ACSL5: variants seen among roughly 807,000 people sequenced by gnomAD.
ACSL5 encodes the protein acyl-CoA synthetase long chain family member 5.
Under a neutral mutation model 84.9 loss-of-function variants are expected in ACSL5, and 50 were observed. That is an observed-to-expected ratio of 0.59 (90% confidence interval 0.47 to 0.75). ACSL5 has a LOEUF of 0.75. Ranked by LOEUF, ACSL5 falls within the 30% of genes least tolerant of loss-of-function variation. The pLI is 0.00. For missense variants in ACSL5, 775 were observed against 830.4 expected, an observed-to-expected ratio of 0.93 and a Z score of 0.82; for synonymous variants, 280 against 300.7, an observed-to-expected ratio of 0.93 and a Z score of 0.71.
chr10:112,403,812 G>A (rs775683868), intron 3 of ACSL5, among the ~76,000 whole-genome samples: 3 of 152,114 alleles, frequency 2.0e-5, no homozygotes, highest in East Asian at 1.9e-4. Context: ...AATATTTAGC[G>A]TAATTTAAAG....
intron 5 of ACSL5, among the ~76,000 whole-genome samples, chr10:112,405,342 A>G (rs1450114733): frequency 2.6e-5 from 4 of 152,184 alleles, no homozygotes; most frequent in Non-Finnish European, 4.4e-5. Flanking sequence ...TTATGCTTCA[A>G]ACGCTCCCTA....
intron 1 of ACSL5, among the ~76,000 whole-genome samples, chr10:112,389,845 A>C (rs1349456645): frequency 1.3e-5 from 2 of 152,178 alleles, no homozygotes; most frequent in Admixed American, 6.5e-5. Flanking sequence ...TCTTCCACTT[A>C]AACAGTGAGA....
chr10:112,422,389 C>T lies in ACSL5; in HGVS notation c.1541C>T (p.Ala514Val), dbSNP rs1366385892. 1.9e-6 allele frequency: 3 copies of T among 1,614,028 alleles called. No homozygotes were observed. The highest frequency in any genetic ancestry group is 1.3e-5 in the African/African-American group (1 of 74,910). Residue 514 changes from alanine to valine, a missense_variant, in exon 17 of 21, where the codon GCC becomes GTC. Physicochemically the swap from Ala to Val is moderately conservative, Grantham distance 64 (BLOSUM62 0). Transcript: ENST00000354655. ...YLKDPEKTQEALDSDGWLHTG... is the reference protein window; with the variant it reads ...YLKDPEKTQEVLDSDGWLHTG... ...AAGGACCCTGAGAAGACACAGGAAG[C>T]CCTGGACAGTGATGGCTGGCTTCAC...
intron 1 of ACSL5, among the ~76,000 whole-genome samples, chr10:112,394,493 A>G (rs1238070557): frequency 6.6e-6 from 1 of 152,228 alleles, no homozygotes; most frequent in African/African-American, 2.4e-5. Context: ...GGGGAATCCA[A>G]CTGGAAGAGT....
At chr10:112,376,164 G>A (rs1849234011) in intron 1 of ACSL5, 2 of 1,178,518 alleles carry the variant, frequency 1.7e-6, no homozygotes, top group African/African-American at 3.1e-5. Flanking sequence ...CTCCTGGTCA[G>A]AACACTTCCA....
At chr10:112,411,248 AG>A (rs1844169176) in intron 9 of ACSL5, 2 of 575,884 alleles carry the variant, frequency 3.5e-6, no homozygotes, top group South Asian at 4.2e-5. Context: ...GCATAGTAGT[AG>A]AAGGCCAACG....
chr10:112,425,045 G>A, intron 17 of ACSL5: 1 of 233,878 alleles, frequency 4.3e-6, no homozygotes. Context: ...ATTGAGAGCT[G>A]TGCAATTTCT....
At chr10:112,383,832 A>G (rs1415946711) in intron 1 of ACSL5, among the ~76,000 whole-genome samples, 5 of 151,420 alleles carry the variant, frequency 3.3e-5, no homozygotes, top group Admixed American at 6.6e-5. Context: ...GTAAGTGTGC[A>G]TATTTCAGAT....
intron 1 of ACSL5, among the ~76,000 whole-genome samples, chr10:112,379,097 T>A (rs1446962649): frequency 6.6e-6 from 1 of 152,174 alleles, no homozygotes; most frequent in Admixed American, 6.5e-5. Context: ...AGAAGTGCTC[T>A]GTTTAAATAG....
chr10:112,422,527 A>G, intron 17 of ACSL5, 86 bp downstream of exon 17: 1 of 1,322,482 alleles, frequency 7.6e-7, no homozygotes, highest in Non-Finnish European at 1.1e-6. Context: ...CAGAAATGCA[A>G]GTAGGTTAAT....
intron 1 of ACSL5, among the ~76,000 whole-genome samples, chr10:112,378,775 A>G (rs1849292743): frequency 6.6e-6 from 1 of 152,030 alleles, no homozygotes; most frequent in Non-Finnish European, 1.5e-5. Context: ...TCTCCCCTCT[A>G]TGTCTGTACA....
At chr10:112,413,059 G>A in intron 11 of ACSL5, 114 bp from the exon 12 acceptor site, 1 of 1,127,834 alleles carries the variant, frequency 8.9e-7, no homozygotes, top group Non-Finnish European at 1.3e-6. Context: ...TTCCAAGACA[G>A]GTCCCCACTG....
intron 3 of ACSL5, among the ~76,000 whole-genome samples, chr10:112,401,564 G>T (rs935184307): frequency 2.6e-5 from 4 of 152,244 alleles, no homozygotes; most frequent in Admixed American, 6.5e-5. Context: ...GTTAATGAAA[G>T]GCTAGGCTGT....
intron 13 of ACSL5, 48 bp downstream of exon 13, chr10:112,417,070 C>T: frequency 6.3e-7 from 1 of 1,596,622 alleles, no homozygotes; most frequent in Non-Finnish European, 8.6e-7. Flanking sequence ...CCTGGGCTGC[C>T]TTCTGACTCC....
Position 112,422,319 on chromosome 10 carries a change from G to A in ACSL5, c.1477-6G>A. On this transcript the variant is annotated splice_polypyrimidine_tract_variant and splice_region_variant and intron_variant, in intron 16 of 20. Transcript: ENST00000354655. ...ATTGTCACCGCCTTGTATGTCTGCT[G>A]TGCAGGTCTGCATCAAGGGTACAAA... 1 of 1,611,614 alleles carries A rather than the reference G, an allele frequency of 6.2e-7. No individual in the cohort carries two copies. Among genetic ancestry groups the A allele is most frequent in the South Asian group, 1.1e-5 (1 of 90,940 alleles).
At chr10:112,426,117 T>G in intron 18 of ACSL5, 141 bp from the exon 19 acceptor site, 1 of 616,872 alleles carries the variant, frequency 1.6e-6, no homozygotes, top group Non-Finnish European at 2.8e-6. Context: ...AAATATATGG[T>G]GAGAAAAGAA....
At chr10:112,413,651 G>T (rs1844240196) in intron 12 of ACSL5, among the ~76,000 whole-genome samples, 1 of 152,140 alleles carries the variant, frequency 6.6e-6, no homozygotes, top group Non-Finnish European at 1.5e-5. Flanking sequence ...CTTGAACCCG[G>T]GAGGCGGAGG....
rs560959876 is a variant in ACSL5, at chr10:112,402,553, G to A, written c.266-1958G>A. On this transcript the variant is annotated intron_variant, in intron 3 of 20. Transcript: ENST00000354655. ...GCTTCAGGGAAAGTTAGTCTGAGAC[G>A]TTACTTCTAAGGCTTTCATGCAGCT... Among the ~76,000 whole-genome samples the A allele has an allele frequency of 4.6e-5, 7 of 152,296 alleles. No homozygotes were observed. The East Asian group carries it at 1.2e-3, about 25-fold the overall frequency.
At chr10:112,395,397 T>A (rs962051270) in intron 2 of ACSL5, among the ~76,000 whole-genome samples, 5 of 152,210 alleles carry the variant, frequency 3.3e-5, no homozygotes, top group African/African-American at 9.7e-5. Flanking sequence ...TTACCTTTTT[T>A]AAGGGATGAG....
Sources: allele counts gnomAD v4.1 joint callset (sites outside exome capture counted in the v4.1 genomes callset), GRCh38; gene constraint gnomAD v4.1.1; transcripts MANE v1.5; gene names NCBI Gene and HGNC (gene_info 2026-07-23, HGNC 2026-07-21).